The following DPYSL5 variants were observed in gnomAD, a reference collection of about 807,000 sequenced individuals.
The protein encoded by DPYSL5 is dihydropyrimidinase like 5.
DPYSL5 carries 9 observed loss-of-function variants against 58.4 expected under a neutral mutation model. The ratio of observed to expected loss-of-function variants is 0.15; its 90% CI spans 0.09 to 0.27. DPYSL5 has a LOEUF of 0.27. DPYSL5 is among the 10% of genes least tolerant of loss of function. DPYSL5 has a pLI of 1.00. For synonymous variants in DPYSL5, 293 were observed against 301.9 expected, an observed-to-expected ratio of 0.97 and a Z score of 0.31; for missense variants, 499 against 770.6, an observed-to-expected ratio of 0.65 and a Z score of 4.17.
At chr2:26,939,900 T>C in intron 8 of DPYSL5, 131 bp from the exon 9 acceptor site, 1 of 1,245,924 alleles carries the variant, frequency 8.0e-7, no homozygotes, top group Non-Finnish European at 1.1e-6. Flanking sequence ...CCACATGGCC[T>C]AAGCGGCAGA....
intron 2 of DPYSL5, among the ~76,000 whole-genome samples, chr2:26,921,497 A>G (rs1349010785): frequency 6.6e-6 from 1 of 151,776 alleles, no homozygotes; most frequent in African/African-American, 2.4e-5. Context: ...CTTGCTGCCG[A>G]TTTCTACAAG....
At chr2:26,926,245 TG>T (rs1398097324) in intron 3 of DPYSL5, among the ~76,000 whole-genome samples, 1 of 152,202 alleles carries the variant, frequency 6.6e-6, no homozygotes, top group Non-Finnish European at 1.5e-5. Flanking sequence ...CTCCCGGTTC[TG>T]GGCCAGAGGT....
intron 1 of DPYSL5, among the ~76,000 whole-genome samples, chr2:26,878,449 A>G (rs776717212): frequency 1.4e-4 from 22 of 152,142 alleles, no homozygotes; most frequent in Admixed American, 2.6e-4. Flanking sequence ...CTTTATTAAA[A>G]GTAATTTGTG....
Position 26,927,552 on chromosome 2 carries a change from T to A in DPYSL5, c.600+120T>A. 1 of 1,298,256 alleles carries A rather than the reference T, an allele frequency of 7.7e-7. No homozygotes were observed. Among genetic ancestry groups the A allele is most frequent in the Non-Finnish European group, 1.0e-6 (1 of 956,334 alleles). 80.4% of individuals were successfully genotyped at this position (1,298,256 alleles called of 1,614,324 possible). A position where few individuals can be genotyped will look rare whatever the true frequency, so the allele number is the denominator to read the frequency against. On this transcript the variant is annotated intron_variant, in intron 4 of 12. Coordinates refer to ENST00000288699, the MANE Select transcript of DPYSL5 (RefSeq NM_020134.4). This position sits in a 1 kb window ranked among gnomAD's most constrained non-coding sequence, Gnocchi z 4.3. ...ATTCAGACAAAATCAGTTGTTAAAG[T>A]GTGAGGTGTGGACACCCCAGCTGTC...
intron 1 of DPYSL5, among the ~76,000 whole-genome samples, chr2:26,861,838 T>C (rs1396356682): frequency 6.6e-6 from 1 of 152,234 alleles, no homozygotes; most frequent in Non-Finnish European, 1.5e-5. Flanking sequence ...ACTAATAGGA[T>C]ACAACAGGGG....
chr2:26,870,005 C>T (rs1209313856), intron 1 of DPYSL5, among the ~76,000 whole-genome samples: 2 of 152,092 alleles, frequency 1.3e-5, no homozygotes, highest in Non-Finnish European at 2.9e-5. Flanking sequence ...AGCAAGACTT[C>T]GTCTCAAAAC....
chr2:26,909,854 C>T (rs933498477), intron 2 of DPYSL5, among the ~76,000 whole-genome samples: 1 of 151,904 alleles, frequency 6.6e-6, no homozygotes, highest in Non-Finnish European at 1.5e-5. Flanking sequence ...ATTAGGTAAC[C>T]TGGGAAGCCA....
At chr2:26,859,353 T>G (rs1338727811) in intron 1 of DPYSL5, among the ~76,000 whole-genome samples, 1 of 140,920 alleles carries the variant, frequency 7.1e-6, no homozygotes, top group Non-Finnish European at 1.5e-5. Context: ...AGAGATTGTG[T>G]TTTTTTTTTT....
At chr2:26,910,790 T>G (rs146816160) in intron 2 of DPYSL5, among the ~76,000 whole-genome samples, 1 of 152,050 alleles carries the variant, frequency 6.6e-6, no homozygotes, top group African/African-American at 2.4e-5. Context: ...ACAAGCCATT[T>G]ATTAGATATA....
chr2:26,851,752 G>T (rs1184378480), intron 1 of DPYSL5, among the ~76,000 whole-genome samples: 1 of 152,122 alleles, frequency 6.6e-6, no homozygotes, highest in African/African-American at 2.4e-5. Context: ...AGACCAGCCT[G>T]GCCAACATGG....
intron 1 of DPYSL5, among the ~76,000 whole-genome samples, chr2:26,854,276 T>A (rs562502637): frequency 6.6e-6 from 1 of 152,060 alleles, no homozygotes; most frequent in South Asian, 2.1e-4. Context: ...CTGGTCAATA[T>A]GGCGAAACCC....
chr2:26,896,320 C>T (rs1418208106), intron 1 of DPYSL5, among the ~76,000 whole-genome samples: 1 of 152,146 alleles, frequency 6.6e-6, no homozygotes, highest in Non-Finnish European at 1.5e-5. Flanking sequence ...CATATATTGG[C>T]TATTGTGAAT....
intron 1 of DPYSL5, among the ~76,000 whole-genome samples, chr2:26,872,621 C>T (rs1489149577): frequency 2.0e-5 from 3 of 151,822 alleles, no homozygotes; most frequent in East Asian, 1.9e-4. Flanking sequence ...ACCCAGGAGG[C>T]GGAGGTTGCA....
rs1665118330 is a variant in DPYSL5 at position 26,934,353 on chromosome 2, C to T, written c.791-225C>T. On this transcript the variant is annotated intron_variant, in intron 7 of 12. Coordinates refer to ENST00000288699, the MANE Select transcript of DPYSL5 (RefSeq NM_020134.4). The surrounding 1 kb of genome is among the most constrained non-coding windows in gnomAD (Gnocchi z 4.3). Reference sequence around the variant, plus strand: ...CTCCTCAAAGTGCCGCTTGGTCCTGCTGGGCCTCGGTGCCCATGTCCCTCT... The same window carrying T: ...CTCCTCAAAGTGCCGCTTGGTCCTGTTGGGCCTCGGTGCCCATGTCCCTCT... Among the ~76,000 whole-genome samples, 1 of 152,196 alleles carries T rather than the reference C, an allele frequency of 6.6e-6. No homozygotes were observed. Among genetic ancestry groups the T allele is most frequent in the African/African-American group, 2.4e-5 (1 of 41,452 alleles).
Position 26,924,858 on chromosome 2 carries a change from G to A in DPYSL5, c.262-29G>A. 15 of 1,606,910 alleles carry A rather than the reference G, an allele frequency of 9.3e-6. No homozygotes were observed. Among genetic ancestry groups the A allele is most frequent in the Non-Finnish European group, 1.3e-5 (15 of 1,176,310 alleles). ...TTGACTCGGGGGCAGGCAGGGCTGT[G>A]ACGAGACTGCCTTTTCCCGTCTTCC... On this transcript the variant is annotated intron_variant, in intron 2 of 12. Transcript: ENST00000288699. This position sits in a 1 kb window ranked among gnomAD's most constrained non-coding sequence, Gnocchi z 4.7.
Position 26,934,619 on chromosome 2 carries a change from C to T in DPYSL5, c.832C>T (p.Leu278=), listed in dbSNP as rs1341229529. 17 of 1,613,636 alleles carry T rather than the reference C, an allele frequency of 1.1e-5. No individual in the cohort carries two copies. Among genetic ancestry groups the T allele is most frequent in the Non-Finnish European group, 1.4e-5 (16 of 1,180,044 alleles). The change falls in exon 8 of 13, where the codon CTG becomes TTG. Residue 278 remains leucine (L), a synonymous_variant. Transcript: ENST00000288699. The surrounding 1 kb of genome is among the most constrained non-coding windows in gnomAD (Gnocchi z 4.3). Reference sequence around the variant, plus strand: ...GGAGACCACCACTGCACATGCCACGCTGACAGGCTTACACTACTACCACCA... The same window carrying T: ...GGAGACCACCACTGCACATGCCACGTTGACAGGCTTACACTACTACCACCA... The part of the protein sequence containing the change: ...LAETTTAHAT[L]TGLHYYHQDW...
chr2:26,868,555 A>G (rs1663173168), intron 1 of DPYSL5, among the ~76,000 whole-genome samples: 1 of 152,230 alleles, frequency 6.6e-6, no homozygotes, highest in South Asian at 2.1e-4. Flanking sequence ...TTCCAGATGA[A>G]TAACCAGTTG....
At position 26,849,413 on chromosome 2, in the gene DPYSL5, C is replaced by A. The variant is rs55918144; in HGVS notation, c.-5+1159C>A. On this transcript the variant is annotated intron_variant, in intron 1 of 12. Coordinates refer to ENST00000288699, the MANE Select transcript of DPYSL5 (RefSeq NM_020134.4). The surrounding 1 kb of genome is among the most constrained non-coding windows in gnomAD (Gnocchi z 6.2). ...ATCCTCAGCTCCAGGCGCGGGGCCCCGCGGCCCAGGTGGCCGGCTGGGCGT... is the reference window on the plus strand; with the variant it reads ...ATCCTCAGCTCCAGGCGCGGGGCCCAGCGGCCCAGGTGGCCGGCTGGGCGT... Among the ~76,000 whole-genome samples the A allele has an allele frequency of 6.6e-6, 1 of 151,958 alleles. No individual in the cohort carries two copies. The highest frequency in any genetic ancestry group is 1.5e-5 in the Non-Finnish European group (1 of 67,964).
rs1339674490 is a variant in DPYSL5, at chr2:26,925,143, CT to C, written c.420+99del. 20 of 1,441,252 alleles carry C rather than the reference CT, an allele frequency of 1.4e-5. No homozygotes were observed. 89.3% of individuals were successfully genotyped at this position (1,441,252 alleles called of 1,614,324 possible). A position where few individuals can be genotyped will look rare whatever the true frequency, so the allele number is the denominator to read the frequency against. On this transcript the variant is annotated intron_variant, in intron 3 of 12. Coordinates refer to ENST00000288699, the MANE Select transcript of DPYSL5 (RefSeq NM_020134.4). The surrounding 1 kb of genome is among the most constrained non-coding windows in gnomAD (Gnocchi z 4.5). ...TGCCTCCTGCTTGTGTGGGGCACCC[CT>C]CCCACTACCATCCTAGCTCCCCACA...
Sources: allele counts gnomAD v4.1 joint callset (sites outside exome capture counted in the v4.1 genomes callset), GRCh38; gene constraint gnomAD v4.1.1; non-coding constraint Gnocchi (gnomAD v3.1); transcripts MANE v1.5; gene names NCBI Gene and HGNC (gene_info 2026-07-23, HGNC 2026-07-21).